Variants in PFKFB3 observed in about 807,000 individuals in gnomAD.
PFKFB3 encodes 6-phosphofructo-2-kinase/fructose-2,6-biphosphatase 3.
A neutral mutation model predicts 68.0 loss-of-function variants in PFKFB3; 33 were observed. That is an observed-to-expected ratio of 0.49 (90% confidence interval 0.37 to 0.65). PFKFB3 has a LOEUF of 0.65. PFKFB3 is among the 30% of genes least tolerant of loss of function. The pLI, the probability that PFKFB3 is intolerant of heterozygous loss-of-function variation, is 0.00. For synonymous variants in PFKFB3, 315 were observed against 288.2 expected, an observed-to-expected ratio of 1.09 and a Z score of -0.94; for missense variants, 586 against 712.2, an observed-to-expected ratio of 0.82 and a Z score of 2.02.
At chr10:6,153,162 ACT>A (rs1841649152) in intron 1 of PFKFB3, among the ~76,000 whole-genome samples, 1 of 134,244 alleles carries the variant, frequency 7.4e-6, no homozygotes, top group South Asian at 2.5e-4. Flanking sequence ...ACACAGCGAG[ACT>A]CTGTCTCAGA....
intron 14 of PFKFB3, among the ~76,000 whole-genome samples, chr10:6,232,527 C>T (rs1328088556): frequency 6.6e-6 from 1 of 152,184 alleles, no homozygotes; most frequent in Non-Finnish European, 1.5e-5. Context: ...GCCCCGGGCT[C>T]ATCCTCTGCC....
chr10:6,276,838 T>TTGTGTGTGTGTGTG, the PFKFB3 span, among the ~76,000 whole-genome samples: 13 of 147,308 alleles, frequency 8.8e-5, no homozygotes, highest in South Asian at 4.3e-4. Flanking sequence ...TTATATGTAT[T>TTGTGTGTGTGTGTG]TGTGTGTGTG....
chr10:6,190,825 C>G (rs1350307250), intron 1 of PFKFB3, among the ~76,000 whole-genome samples: 5 of 152,190 alleles, frequency 3.3e-5, no homozygotes, highest in Non-Finnish European at 7.3e-5. Context: ...GTCACCCAGG[C>G]TGGAGTGCAG....
rs372512802 is a variant in PFKFB3, at chr10:6,215,335, G to T, written c.299+18G>T. 2.3e-5 allele frequency: 37 copies of T among 1,595,974 alleles called. No homozygotes were observed. In the African/African-American group the frequency reaches 4.6e-4, roughly 20 times the overall value. ...GTCCGGAAGTAAGGCTGGGCCGCGGGCGTAGGGCTGGGCTGTGGGAATAAG... is the reference window on the plus strand; with the variant it reads ...GTCCGGAAGTAAGGCTGGGCCGCGGTCGTAGGGCTGGGCTGTGGGAATAAG... On this transcript the variant is annotated intron_variant, in intron 3 of 14. Coordinates refer to ENST00000379775, the MANE Select transcript of PFKFB3 (RefSeq NM_004566.4). This position sits in a 1 kb window ranked among gnomAD's most constrained non-coding sequence, Gnocchi z 4.3.
rs918798253 is a variant in PFKFB3 at position 6,154,146 on chromosome 10, C to A, written c.16+9133C>A. ...GGACACAGGCTTAGGAAGGGAGTGG[C>A]GGCTCAGCACGTCCTCATCTCCCAT... On this transcript the variant is annotated intron_variant, in intron 1 of 14. Transcript: ENST00000379789. The surrounding 1 kb of genome is among the most constrained non-coding windows in gnomAD (Gnocchi z 4.6). 6.6e-6 allele frequency among the ~76,000 whole-genome samples: 1 copy of A among 152,042 alleles called. No individual in the cohort carries two copies. Among genetic ancestry groups the A allele is most frequent in the African/African-American group, 2.4e-5 (1 of 41,410 alleles).
At chr10:6,212,089 C>T (rs1051089267) in intron 1 of PFKFB3, among the ~76,000 whole-genome samples, 1 of 152,252 alleles carries the variant, frequency 6.6e-6, no homozygotes, top group Non-Finnish European at 1.5e-5. Flanking sequence ...GTTCTGTGTG[C>T]GGCTTTCAGA....
chr10:6,250,768 C>G (rs1165172759), intron 14 of PFKFB3, among the ~76,000 whole-genome samples: 2 of 152,108 alleles, frequency 1.3e-5, no homozygotes, highest in Non-Finnish European at 2.9e-5. Flanking sequence ...CTTGGACTTC[C>G]TAGCCTCCAG....
intron 1 of PFKFB3, among the ~76,000 whole-genome samples, chr10:6,168,211 A>T (rs1222903564): frequency 6.6e-6 from 1 of 152,166 alleles, no homozygotes; most frequent in Admixed American, 6.5e-5. Context: ...GAAGATCATG[A>T]GGTAGTGAGT....
chr10:6,213,887 C>A, intron 2 of PFKFB3, 139 bp downstream of exon 2: 1 of 844,016 alleles, frequency 1.2e-6, no homozygotes, highest in Non-Finnish European at 1.9e-6. Context: ...TCCCATGCAG[C>A]TGGGTCCCCT....
chr10:6,295,027 G>A, the PFKFB3 span, among the ~76,000 whole-genome samples: 2 of 149,676 alleles, frequency 1.3e-5, no homozygotes, highest in Middle Eastern at 3.4e-3. Context: ...CAGATATGAT[G>A]TATTGGGTAA....
chr10:6,268,112 C>T, the PFKFB3 span, among the ~76,000 whole-genome samples: 4 of 152,062 alleles, frequency 2.6e-5, no homozygotes, highest in South Asian at 2.1e-4. Flanking sequence ...CCCTCCCCCA[C>T]GCCACTTCCA....
At chr10:6,304,454 G>A in the PFKFB3 span, among the ~76,000 whole-genome samples, 2 of 150,020 alleles carry the variant, frequency 1.3e-5, no homozygotes. Context: ...ATCCTCTGCG[G>A]GCTACTACTA....
chr10:6,293,342 TTTTC>T, the PFKFB3 span: 660 of 287,918 alleles, frequency 2.3e-3, no homozygotes, highest in South Asian at 4.8e-3. Flanking sequence ...GGATGTTATC[TTTTC>T]TTTCTTTCTT....
At chr10:6,219,382 C>T (rs757484874) in intron 6 of PFKFB3, 187 bp from the exon 7 acceptor site, 2 of 579,254 alleles carry the variant, frequency 3.5e-6, no homozygotes, top group Non-Finnish European at 6.1e-6. Context: ...CCAGGGAATC[C>T]TCCCCATGTA....
rs537399574 is a variant in PFKFB3, at chr10:6,194,189, CCACCTACCGCAGT to C, written c.17-19430_17-19418del. ...CCTAACTCCCAAGCCACGTCCCCAG[CCACCTACCGCAGT>C]CACTGTCTTGCCCTCCCATTCCTAT... On this transcript the variant is annotated intron_variant, in intron 1 of 14. Transcript: ENST00000379789. Among the ~76,000 whole-genome samples the C allele has an allele frequency of 3.2e-3, 485 of 151,806 alleles. 2 individuals carry two copies. In the East Asian group the frequency reaches 0.036, roughly 11 times the overall value.
In PFKFB3 at chr10:6,229,706, G is replaced by A. The variant is rs905903031; in HGVS notation, c.1516-3189G>A. Among the ~76,000 whole-genome samples, 24 of 152,316 alleles carry A rather than the reference G, an allele frequency of 1.6e-4. No individual in the cohort carries two copies. The highest frequency in any genetic ancestry group is 5.8e-4 in the African/African-American group (24 of 41,570). On this transcript the variant is annotated intron_variant, in intron 14 of 14. Coordinates refer to ENST00000379775, the MANE Select transcript of PFKFB3 (RefSeq NM_004566.4). This position sits in a 1 kb window ranked among gnomAD's most constrained non-coding sequence, Gnocchi z 4.3. ...AAACTTTTTGGACTTGGAGCCTGAA[G>A]GTTTTACATCTGTGCATGTCCTGAT...
the PFKFB3 span, among the ~76,000 whole-genome samples, chr10:6,326,211 C>T: frequency 6.6e-6 from 1 of 152,152 alleles, no homozygotes; most frequent in Admixed American, 6.5e-5. Context: ...CATGTTCTCA[C>T]TCATAAGTGG....
the PFKFB3 span, among the ~76,000 whole-genome samples, chr10:6,267,317 C>T: frequency 6.6e-6 from 1 of 152,252 alleles, no homozygotes; most frequent in Non-Finnish European, 1.5e-5. Flanking sequence ...GCTGGCTACC[C>T]TGGACGTACG....
chr10:6,197,760 C>T (rs1843213727), intron 1 of PFKFB3: 1 of 152,120 alleles, frequency 6.6e-6, no homozygotes, highest in Admixed American at 6.6e-5. Context: ...GTCTTGCTGT[C>T]TCAGGGGTGG....
Sources: allele counts gnomAD v4.1 joint callset (sites outside exome capture counted in the v4.1 genomes callset), GRCh38; gene constraint gnomAD v4.1.1; non-coding constraint Gnocchi (gnomAD v3.1); transcripts MANE v1.5; gene names NCBI Gene and HGNC (gene_info 2026-07-23, HGNC 2026-07-21).